PTPRD: variants seen among roughly 807,000 people sequenced by gnomAD.
The protein encoded by PTPRD is protein tyrosine phosphatase receptor type D.
A neutral mutation model predicts 214.5 loss-of-function variants in PTPRD; 34 were observed. That is an observed-to-expected ratio of 0.16 (90% CI 0.12 to 0.21). The LOEUF is 0.21. PTPRD is among the 10% of genes least tolerant of loss of function. The pLI is 1.00. For missense variants in PTPRD, 2,545 were observed against 2,398.7 expected, an observed-to-expected ratio of 1.06 and a Z score of -1.27; for synonymous variants, 1,128 against 845.7, an observed-to-expected ratio of 1.33 and a Z score of -5.79.
At chr9:9,334,394 TTC>T (rs2043588266) in intron 9 of PTPRD, among the ~76,000 whole-genome samples, 1 of 152,000 alleles carries the variant, frequency 6.6e-6, no homozygotes, top group Non-Finnish European at 1.5e-5. Flanking sequence ...ATTCTAAAAG[TTC>T]TAGTTTAATG....
intron 3 of PTPRD, among the ~76,000 whole-genome samples, chr9:10,047,800 T>A (rs2097434281): frequency 6.6e-6 from 1 of 152,168 alleles, no homozygotes; most frequent in South Asian, 2.1e-4. Context: ...CAGACATAAT[T>A]ATTTCATCTA....
chr9:10,078,029 T>C (rs1375602277), intron 3 of PTPRD, among the ~76,000 whole-genome samples: 2 of 152,026 alleles, frequency 1.3e-5, no homozygotes, highest in African/African-American at 2.4e-5. Flanking sequence ...CAATTTTGAT[T>C]GGAATGAATT....
chr9:9,653,728 G>T (rs1310917383), intron 7 of PTPRD, among the ~76,000 whole-genome samples: 1 of 152,132 alleles, frequency 6.6e-6, no homozygotes, highest in African/African-American at 2.4e-5. Context: ...TAGTGTTTTG[G>T]ATATTGCCAA....
At chr9:9,345,831 AT>A (rs1178804389) in intron 9 of PTPRD, among the ~76,000 whole-genome samples, 2 of 152,304 alleles carry the variant, frequency 1.3e-5, no homozygotes, top group East Asian at 1.9e-4. Flanking sequence ...ACATTAGGTT[AT>A]TGTGATGATT....
At chr9:8,383,678 G>C (rs189275651) in intron 37 of PTPRD, among the ~76,000 whole-genome samples, 1 of 152,116 alleles carries the variant, frequency 6.6e-6, no homozygotes, top group Non-Finnish European at 1.5e-5. Flanking sequence ...GCCCACATTG[G>C]ATTACAATAA....
intron 2 of PTPRD, among the ~76,000 whole-genome samples, chr9:10,414,729 A>G (rs2098470737): frequency 6.6e-6 from 1 of 152,032 alleles, no homozygotes; most frequent in African/African-American, 2.4e-5. Flanking sequence ...AAAATGTGGT[A>G]CACATACACC....
rs767576454 is a variant in PTPRD at position 9,906,388 on chromosome 9, T to C, written c.-368+32119A>G. ...TTGTTATCGTTGTCTTTATTTTATATAGACTACACTATACAGATAATCATT... is the reference window on the plus strand; with the variant it reads ...TTGTTATCGTTGTCTTTATTTTATACAGACTACACTATACAGATAATCATT... On this transcript the variant is annotated intron_variant, in intron 5 of 45. Transcript: ENST00000381196. Among the ~76,000 whole-genome samples, 4 of 152,034 alleles carry C rather than the reference T, an allele frequency of 2.6e-5. No homozygotes were observed. In the South Asian group the frequency reaches 6.2e-4, roughly 24 times the overall value.
At chr9:10,278,968 G>T (rs145460261) in intron 3 of PTPRD, among the ~76,000 whole-genome samples, 1 of 151,992 alleles carries the variant, frequency 6.6e-6, no homozygotes, top group Non-Finnish European at 1.5e-5. Context: ...TAGAGACGGG[G>T]CTTCACCGTG....
intron 5 of PTPRD, among the ~76,000 whole-genome samples, chr9:9,845,118 CTCTATATATAGAGCAATATA>C (rs2059231021): frequency 6.5e-5 from 2 of 30,992 alleles, no homozygotes; most frequent in African/African-American, 1.3e-4. Flanking sequence ...ATATATATTG[CTCTATATATAGAGCAATATA>C]TATATATATT....
At chr9:9,327,015 A>T (rs763620450) in intron 9 of PTPRD, among the ~76,000 whole-genome samples, 1 of 152,166 alleles carries the variant, frequency 6.6e-6, no homozygotes, top group Admixed American at 6.6e-5. Flanking sequence ...AAAGGGACAA[A>T]GTAAAAAGAA....
At chr9:9,664,034 G>A (rs759615143) in intron 7 of PTPRD, among the ~76,000 whole-genome samples, 1 of 146,668 alleles carries the variant, frequency 6.8e-6, no homozygotes, top group Non-Finnish European at 1.5e-5. Context: ...TGATACATTA[G>A]GTTTTAAATA....
At chr9:8,569,114 C>T (rs144969506) in intron 14 of PTPRD, among the ~76,000 whole-genome samples, 1 of 152,238 alleles carries the variant, frequency 6.6e-6, no homozygotes, top group East Asian at 1.9e-4. Context: ...CATCTTTCTT[C>T]AGCCTAGGGA....
chr9:10,458,376 A>C (rs1193598972), intron 2 of PTPRD, among the ~76,000 whole-genome samples: 1 of 152,192 alleles, frequency 6.6e-6, no homozygotes. Context: ...CTTATCTAAA[A>C]GGTTGTTTTA....
intron 9 of PTPRD, among the ~76,000 whole-genome samples, chr9:9,366,554 C>G (rs1398473683): frequency 6.6e-6 from 1 of 151,444 alleles, no homozygotes; most frequent in African/African-American, 2.4e-5. Context: ...AGCTCCTAAA[C>G]TGAAATGAAT....
At chr9:9,448,445 G>T (rs10977759) in intron 8 of PTPRD, among the ~76,000 whole-genome samples, 22,537 of 151,952 alleles carry the variant, frequency 0.15, 1,746 homozygotes, top group Middle Eastern at 0.29. Context: ...TTCCTTTGCA[G>T]TTCATTCTCT....
chr9:10,079,621 T>C (rs2098199560), intron 3 of PTPRD, among the ~76,000 whole-genome samples: 1 of 152,164 alleles, frequency 6.6e-6, no homozygotes, highest in Non-Finnish European at 1.5e-5. Flanking sequence ...GAATTAAATA[T>C]GGTACCTTGA....
At chr9:9,415,180 G>A (rs1173208570) in intron 8 of PTPRD, among the ~76,000 whole-genome samples, 1 of 152,144 alleles carries the variant, frequency 6.6e-6, no homozygotes, top group South Asian at 2.1e-4. Context: ...ATGAGTCACA[G>A]AGTTCCTTCA....
intron 10 of PTPRD, among the ~76,000 whole-genome samples, chr9:9,109,059 T>C (rs982061907): frequency 3.3e-5 from 5 of 152,092 alleles, no homozygotes; most frequent in African/African-American, 1.2e-4. Context: ...AATAAAATGA[T>C]ATGGGGATGG....
chr9:10,366,947 G>C (rs2097528100), intron 2 of PTPRD, among the ~76,000 whole-genome samples: 1 of 151,988 alleles, frequency 6.6e-6, no homozygotes, highest in Admixed American at 6.6e-5. Context: ...AAGTTTCTTG[G>C]CTTTATTTCA....
Sources: gnomAD v4.1 joint callset for allele counts (sites outside exome capture counted in the v4.1 genomes callset) on GRCh38, gnomAD v4.1.1 for gene constraint, MANE v1.5 for transcripts, NCBI Gene and HGNC (gene_info 2026-07-23, HGNC 2026-07-21) for gene names.